Variants in ZNF33A observed in about 807,000 individuals in gnomAD.
ZNF33A encodes zinc finger protein 33A.
ZNF33A carries 9 observed loss-of-function variants against 15.9 expected under a neutral mutation model. The observed-to-expected ratio is 0.57, with a 90% confidence interval of 0.34 to 0.99. The LOEUF is 0.99. ZNF33A is among the 50% of genes least tolerant of loss of function. The probability of loss-of-function intolerance (pLI) is 0.02; values close to 1 mark genes in which losing one functional copy is unlikely to be tolerated. For synonymous variants in ZNF33A, 294 were observed against 324.2 expected (o/e 0.91, Z 1.00); for missense variants, 843 against 941.6 (o/e 0.90, Z 1.37).
At chr10:38,030,932 A>G (rs557166761) in intron 4 of ZNF33A, among the ~76,000 whole-genome samples, 5 of 152,166 alleles carry the variant, frequency 3.3e-5, no homozygotes, top group Admixed American at 6.5e-5. Context: ...TGAAATGACA[A>G]CATAGAGATG....
At chr10:38,036,553 A>G (rs1298009591) in intron 4 of ZNF33A, among the ~76,000 whole-genome samples, 1 of 152,214 alleles carries the variant, frequency 6.6e-6, no homozygotes. Flanking sequence ...ACACCCATTC[A>G]TGATAAAACC....
chr10:38,010,624 C>A, upstream of ZNF33A: 1 of 1,331,068 alleles, frequency 7.5e-7, no homozygotes, highest in Non-Finnish European at 1.1e-6. Flanking sequence ...CCAACAGCAT[C>A]AAGCTGTGCG....
At chr10:38,029,105 G>A (rs564362084) in intron 4 of ZNF33A, among the ~76,000 whole-genome samples, 1 of 152,274 alleles carries the variant, frequency 6.6e-6, no homozygotes, top group Admixed American at 6.5e-5. Flanking sequence ...CAAACATACA[G>A]TGACCCTGGC....
At chr10:38,066,918 T>G (rs1356761426), downstream of ZNF33A, among the ~76,000 whole-genome samples, 1 of 151,932 alleles carries the variant, frequency 6.6e-6, no homozygotes, top group Admixed American at 6.5e-5. Context: ...GGTGATAGAG[T>G]GAGACTCTGT....
intron 4 of ZNF33A, among the ~76,000 whole-genome samples, chr10:38,035,118 T>C (rs866935874): frequency 0.06 from 8,101 of 135,434 alleles, 261 homozygotes; most frequent in Non-Finnish European, 0.089. Context: ...TTTCTTTTTT[T>C]TTTTTTTTTT....
At chr10:38,014,423 T>C (rs1590442962) in intron 2 of ZNF33A, among the ~76,000 whole-genome samples, 1 of 152,210 alleles carries the variant, frequency 6.6e-6, no homozygotes, top group Non-Finnish European at 1.5e-5. Context: ...TGTGTACTAG[T>C]CTAGATGACT....
At position 38,056,109 on chromosome 10, in the gene ZNF33A, A is replaced by G. The variant is rs201248804; in HGVS notation, c.1985A>G (p.Glu662Gly). 1 of 1,614,120 alleles carries G rather than the reference A, an allele frequency of 6.2e-7. No individual in the cohort carries two copies. The highest frequency in any genetic ancestry group is 1.3e-5 in the African/African-American group (1 of 75,050). Residue 662 changes from glutamate (E) to glycine (G), a missense_variant, in exon 5 of 5, where the codon GAA (glutamate) becomes GGA (glycine). Transcript: ENST00000432900. ...GTACATCAGAGAACCCATACACAAGAAAAGCCCTATAAATGTAATGAATGT... is the reference window on the plus strand; with the variant it reads ...GTACATCAGAGAACCCATACACAAGGAAAGCCCTATAAATGTAATGAATGT... Reference protein sequence around the residue: ...LIVHQRTHTQEKPYKCNECGK... With the variant: ...LIVHQRTHTQGKPYKCNECGK...
intron 4 of ZNF33A, among the ~76,000 whole-genome samples, chr10:38,051,055 A>G (rs1178024056): frequency 6.6e-6 from 1 of 151,692 alleles, no homozygotes; most frequent in Non-Finnish European, 1.5e-5. Context: ...CAAAGAAGTC[A>G]ATTTTAAAAA....
chr10:38,028,287 A>G (rs1352726985), intron 4 of ZNF33A, among the ~76,000 whole-genome samples: 18 of 151,940 alleles, frequency 1.2e-4, no homozygotes, highest in Non-Finnish European at 2.9e-5. Flanking sequence ...AATAAATAAA[A>G]TAAAATAAAA....
downstream of ZNF33A, among the ~76,000 whole-genome samples, chr10:38,066,075 C>T (rs1325547985): frequency 6.6e-6 from 1 of 152,152 alleles, no homozygotes; most frequent in Non-Finnish European, 1.5e-5. Context: ...ACATCTTCAT[C>T]TGGCCTTCCT....
intron 4 of ZNF33A, among the ~76,000 whole-genome samples, chr10:38,042,911 A>G (rs899864189): frequency 5.3e-5 from 8 of 152,194 alleles, no homozygotes; most frequent in African/African-American, 1.9e-4. Context: ...ATACAGTTAT[A>G]AACATTGACT....
Position 38,023,684 on chromosome 10 carries a change from A to G in ZNF33A, c.250+6298A>G, listed in dbSNP as rs545566737. ...CTGGTAAGATGAATGCTTTCCCTGTAAAACTGGGAACAAGGCAAGGATGTT... is the reference window on the plus strand; with the variant it reads ...CTGGTAAGATGAATGCTTTCCCTGTGAAACTGGGAACAAGGCAAGGATGTT... On this transcript the variant is annotated intron_variant, in intron 4 of 4. Coordinates refer to ENST00000432900, the MANE Select transcript of ZNF33A (RefSeq NM_006954.2). Among the ~76,000 whole-genome samples, 220 of 152,334 alleles carry G rather than the reference A, an allele frequency of 1.4e-3. 1 individual carries two copies. The highest frequency in any genetic ancestry group is 6.8e-3 in the Middle Eastern group (2 of 294).
intron 4 of ZNF33A, among the ~76,000 whole-genome samples, chr10:38,041,185 T>C (rs2065682654): frequency 6.6e-6 from 1 of 152,138 alleles, no homozygotes; most frequent in African/African-American, 2.4e-5. Flanking sequence ...ACATAGCACA[T>C]AGAGGTGAGG....
intron 4 of ZNF33A, chr10:38,039,381 C>T: frequency 2.3e-6 from 1 of 442,080 alleles, no homozygotes; most frequent in Non-Finnish European, 4.5e-6. Flanking sequence ...TGCCAGCACA[C>T]CCAGCTAATT....
intron 4 of ZNF33A, among the ~76,000 whole-genome samples, chr10:38,049,611 T>G (rs2066107055): frequency 6.6e-6 from 1 of 152,176 alleles, no homozygotes; most frequent in Non-Finnish European, 1.5e-5. Context: ...TGTATATATC[T>G]AATATACACA....
intron 4 of ZNF33A, among the ~76,000 whole-genome samples, chr10:38,036,429 T>C (rs1437709466): frequency 1.3e-5 from 2 of 151,686 alleles, no homozygotes; most frequent in East Asian, 1.9e-4. Flanking sequence ...TAGAGCAAGA[T>C]TCTGTCTCAA....
chr10:38,023,472 C>G (rs979726739), intron 4 of ZNF33A, among the ~76,000 whole-genome samples: 1 of 152,050 alleles, frequency 6.6e-6, no homozygotes, highest in African/African-American at 2.4e-5. Context: ...ATTCAGAAAT[C>G]GATCAATGTA....
chr10:38,015,573 A>G (rs1363277005), intron 2 of ZNF33A, among the ~76,000 whole-genome samples: 3 of 152,054 alleles, frequency 2.0e-5, no homozygotes, highest in South Asian at 2.1e-4. Context: ...CACCCACCTC[A>G]GCCTCCCAAA....
intron 4 of ZNF33A, among the ~76,000 whole-genome samples, chr10:38,036,830 T>C (rs2065474537): frequency 6.6e-6 from 1 of 152,150 alleles, no homozygotes; most frequent in African/African-American, 2.4e-5. Context: ...AAGGAGAAAA[T>C]TCTAGAGAAC....
Sources: allele counts gnomAD v4.1 joint callset (sites outside exome capture counted in the v4.1 genomes callset), GRCh38; gene constraint gnomAD v4.1.1; transcripts MANE v1.5; gene names NCBI Gene and HGNC (gene_info 2026-07-23, HGNC 2026-07-21).